The following BABAM2 variants were observed in gnomAD, a reference collection of about 807,000 sequenced individuals.
BABAM2 encodes BRISC and BRCA1 A complex member 2, also known as BRISC and BRCA1-A complex member 2.
Under a neutral mutation model 54.7 loss-of-function variants are expected in BABAM2, and 31 were observed. The ratio of observed to expected loss-of-function variants is 0.57; its 90% CI spans 0.43 to 0.77. The LOEUF is 0.77. Among genes scored for constraint, BABAM2 ranks in the 30% least tolerant of loss-of-function variants. BABAM2 has a pLI of 0.00. For missense variants in BABAM2, 364 were observed against 455.8 expected (o/e 0.80, Z 1.83); for synonymous variants, 167 against 162.9 (o/e 1.03, Z -0.19).
At chr2:28,189,131 T>C (rs1212306103) in intron 7 of BABAM2, among the ~76,000 whole-genome samples, 5 of 152,026 alleles carry the variant, frequency 3.3e-5, no homozygotes, top group South Asian at 4.2e-4. Flanking sequence ...AACCTGGCAG[T>C]TGGAGGTTGC....
intron 11 of BABAM2, among the ~76,000 whole-genome samples, chr2:28,315,107 G>C (rs1482734088): frequency 7.3e-6 from 1 of 137,466 alleles, no homozygotes. Flanking sequence ...GGGGAGAGGA[G>C]GGGAAAAGGG....
At chr2:28,164,321 G>T (rs765114322) in intron 7 of BABAM2, among the ~76,000 whole-genome samples, 1 of 151,982 alleles carries the variant, frequency 6.6e-6, no homozygotes, top group Non-Finnish European at 1.5e-5. Flanking sequence ...ACACCCCCAC[G>T]TGGAGTTAGA....
At chr2:28,126,168 G>C (rs1483433520) in intron 6 of BABAM2, among the ~76,000 whole-genome samples, 1 of 151,488 alleles carries the variant, frequency 6.6e-6, no homozygotes, top group Admixed American at 6.6e-5. Flanking sequence ...TATACTTTAA[G>C]TTTTAGGGTA....
chr2:27,961,722 C>CTTT (rs5830058), intron 3 of BABAM2, among the ~76,000 whole-genome samples: 10 of 99,070 alleles, frequency 1.0e-4, no homozygotes, highest in Non-Finnish European at 1.2e-4. Context: ...CCTTAATTAT[C>CTTT]TTTTTTTTTT....
intron 4 of BABAM2, among the ~76,000 whole-genome samples, chr2:28,009,129 T>C (rs1674198020): frequency 6.6e-6 from 1 of 152,138 alleles, no homozygotes; most frequent in African/African-American, 2.4e-5. Flanking sequence ...AAGTAAGTGT[T>C]CTGGGTTTTG....
intron 4 of BABAM2, among the ~76,000 whole-genome samples, chr2:27,998,277 C>T (rs1295865877): frequency 6.6e-6 from 1 of 152,018 alleles, no homozygotes; most frequent in South Asian, 2.1e-4. Context: ...CCATCACTCC[C>T]TTCAAAGAGC....
At chr2:27,950,204 A>G (rs1669602303) in intron 3 of BABAM2, among the ~76,000 whole-genome samples, 1 of 152,230 alleles carries the variant, frequency 6.6e-6, no homozygotes, top group Non-Finnish European at 1.5e-5. Flanking sequence ...GACAGGTAAC[A>G]TGAAAGCAAT....
At chr2:28,181,898 C>T (rs1415842781) in intron 7 of BABAM2, among the ~76,000 whole-genome samples, 1 of 151,802 alleles carries the variant, frequency 6.6e-6, no homozygotes, top group African/African-American at 2.4e-5. Flanking sequence ...GGAAAAGCTT[C>T]ACTGCGAAAG....
intron 5 of BABAM2, among the ~76,000 whole-genome samples, chr2:28,031,899 G>T (rs1676318753): frequency 6.6e-6 from 1 of 152,144 alleles, no homozygotes; most frequent in African/African-American, 2.4e-5. Flanking sequence ...ATATTCAACT[G>T]GCTTACTGAT....
chr2:28,149,932 G>A (rs1671861654), intron 7 of BABAM2, among the ~76,000 whole-genome samples: 1 of 152,148 alleles, frequency 6.6e-6, no homozygotes, highest in Admixed American at 6.5e-5. Flanking sequence ...TATTCATCTT[G>A]ATGGTTAAAA....
At chr2:28,008,074 A>G (rs1419256403) in intron 4 of BABAM2, among the ~76,000 whole-genome samples, 9 of 152,316 alleles carry the variant, frequency 5.9e-5, no homozygotes, top group East Asian at 1.9e-4. Context: ...GTATTTGCAT[A>G]GAGATGAATA....
At position 28,164,360 on chromosome 2, in the gene BABAM2, C is replaced by G. The variant is rs1288793840; in HGVS notation, c.680+34980C>G. ...GTGCGTCCTGGCCTGGAATAGGTCT[C>G]TCTTTCTGGGCCACTCTGTGGGCTG... On this transcript the variant is annotated intron_variant, in intron 7 of 11. Transcript: ENST00000379624. Among the ~76,000 whole-genome samples the G allele has an allele frequency of 2.0e-5, 3 of 152,092 alleles. No individual in the cohort carries two copies. In the East Asian group the frequency reaches 5.8e-4, roughly 29 times the overall value.
chr2:27,931,441 C>A (rs148349327), intron 3 of BABAM2, among the ~76,000 whole-genome samples: 1 of 152,210 alleles, frequency 6.6e-6, no homozygotes, highest in African/African-American at 2.4e-5. Flanking sequence ...GCCTCCGTTT[C>A]TTGCCTTATC....
intron 2 of BABAM2, among the ~76,000 whole-genome samples, chr2:27,905,370 C>G (rs1666115560): frequency 6.6e-6 from 1 of 152,036 alleles, no homozygotes; most frequent in Admixed American, 6.6e-5. Flanking sequence ...GAGTTTGTAT[C>G]CTAACTCTGC....
chr2:28,138,721 A>G (rs1391775308), intron 7 of BABAM2, among the ~76,000 whole-genome samples: 3 of 151,988 alleles, frequency 2.0e-5, no homozygotes, highest in African/African-American at 4.8e-5. Context: ...CCTTCTAATG[A>G]CCCTAGCCAT....
chr2:28,011,827 A>G (rs1364150163), intron 4 of BABAM2, among the ~76,000 whole-genome samples: 1 of 65,344 alleles, frequency 1.5e-5, no homozygotes, highest in Non-Finnish European at 4.7e-5. Flanking sequence ...CGACTGAGAC[A>G]GGAAAATGTT....
intron 7 of BABAM2, among the ~76,000 whole-genome samples, chr2:28,230,296 C>T (rs888845621): frequency 1.3e-5 from 2 of 152,090 alleles, no homozygotes; most frequent in South Asian, 2.1e-4. Flanking sequence ...TATTGAATTA[C>T]ACCCTGATTT....
intron 11 of BABAM2, among the ~76,000 whole-genome samples, chr2:28,321,998 C>T (rs72857141): frequency 6.6e-6 from 1 of 151,686 alleles, no homozygotes; most frequent in African/African-American, 2.4e-5. Context: ...AAAACAAGTC[C>T]CTGCAATTGA....
chr2:28,128,924 A>G (rs1669802524), intron 6 of BABAM2, among the ~76,000 whole-genome samples: 1 of 152,216 alleles, frequency 6.6e-6, no homozygotes, highest in Non-Finnish European at 1.5e-5. Flanking sequence ...ATGTTGTAGG[A>G]TGTAAATTAT....
Sources: gnomAD v4.1 joint callset for allele counts (sites outside exome capture counted in the v4.1 genomes callset) on GRCh38, gnomAD v4.1.1 for gene constraint, MANE v1.5 for transcripts, NCBI Gene and HGNC (gene_info 2026-07-23, HGNC 2026-07-21) for gene names.